Variants in SPMIP11 observed in about 807,000 individuals in gnomAD.
SPMIP11 encodes long intergenic non-protein coding RNA 935.
chr12:48,741,784 T>C, the SPMIP11 span, among the ~76,000 whole-genome samples: 1 of 152,100 alleles, frequency 6.6e-6, no homozygotes, highest in African/African-American at 2.4e-5. Context: ...GGACTACAGA[T>C]GCACACCACC....
chr12:48,758,183 A>G, the SPMIP11 span, among the ~76,000 whole-genome samples: 18 of 152,278 alleles, frequency 1.2e-4, no homozygotes, highest in Non-Finnish European at 7.3e-5. Flanking sequence ...ATAAATAAAT[A>G]AAAAGAGAAA....
the SPMIP11 span, among the ~76,000 whole-genome samples, chr12:48,744,273 G>T: frequency 1.3e-5 from 2 of 150,054 alleles, no homozygotes; most frequent in South Asian, 4.2e-4. Flanking sequence ...AAAAAGTGTG[G>T]TACACGCCTG....
At chr12:48,734,253 G>C in the SPMIP11 span, among the ~76,000 whole-genome samples, 1 of 151,810 alleles carries the variant, frequency 6.6e-6, no homozygotes, top group Admixed American at 6.6e-5. Flanking sequence ...TACAGGTATT[G>C]TGATACTCTA....
chr12:48,746,401 C>G, the SPMIP11 span, among the ~76,000 whole-genome samples: 3 of 129,530 alleles, frequency 2.3e-5, no homozygotes, highest in Admixed American at 9.2e-5. Flanking sequence ...GTGTCTCGCT[C>G]TGTTGCCCAG....
the SPMIP11 span, among the ~76,000 whole-genome samples, chr12:48,760,814 G>A: frequency 4.6e-5 from 7 of 152,100 alleles, no homozygotes; most frequent in Admixed American, 1.3e-4. Context: ...GGCGTGAGCC[G>A]CCACTTAGGG....
the SPMIP11 span, among the ~76,000 whole-genome samples, chr12:48,756,560 A>G: frequency 6.6e-6 from 1 of 152,228 alleles, no homozygotes; most frequent in East Asian, 1.9e-4. Flanking sequence ...GAGCTGGGGA[A>G]GAACTCCAGA....
At chr12:48,733,761 A>ATTTT in the SPMIP11 span, among the ~76,000 whole-genome samples, 1 of 115,670 alleles carries the variant, frequency 8.6e-6, no homozygotes, top group Non-Finnish European at 1.7e-5. Flanking sequence ...GTAAATGCAG[A>ATTTT]TTCTTTTTTT....
chr12:48,729,354 T>C, the SPMIP11 span, among the ~76,000 whole-genome samples: 1 of 151,830 alleles, frequency 6.6e-6, no homozygotes, highest in Non-Finnish European at 1.5e-5. Flanking sequence ...ACCAACATAG[T>C]GAAACCCCGT....
the SPMIP11 span, among the ~76,000 whole-genome samples, chr12:48,744,149 G>A: frequency 1.6e-4 from 24 of 151,358 alleles, no homozygotes; most frequent in Non-Finnish European, 2.9e-4. Flanking sequence ...TCAGGAGGCC[G>A]AGGCAGGAGA....
the SPMIP11 span, among the ~76,000 whole-genome samples, chr12:48,735,743 G>A: frequency 6.6e-6 from 1 of 151,886 alleles, no homozygotes; most frequent in Non-Finnish European, 1.5e-5. Context: ...AATTAGCCAG[G>A]CGTGGTGACA....
the SPMIP11 span, among the ~76,000 whole-genome samples, chr12:48,728,568 C>A: frequency 6.6e-6 from 1 of 151,916 alleles, no homozygotes; most frequent in Non-Finnish European, 1.5e-5. Flanking sequence ...ATTAGCCGAG[C>A]GTGATGGCGG....
At chr12:48,767,596 G>T in the SPMIP11 span, 1 of 152,700 alleles carries the variant, frequency 6.5e-6, no homozygotes, top group Non-Finnish European at 1.5e-5. Flanking sequence ...ACTTGGGAGG[G>T]CAGGTTTGGG....
chr12:48,730,694 T>C, the SPMIP11 span, among the ~76,000 whole-genome samples: 2 of 152,114 alleles, frequency 1.3e-5, no homozygotes, highest in African/African-American at 4.8e-5. Context: ...TCCCAGCACT[T>C]TGGGAGGCCG....
At chr12:48,743,759 T>C in the SPMIP11 span, among the ~76,000 whole-genome samples, 3 of 151,598 alleles carry the variant, frequency 2.0e-5, no homozygotes, top group African/African-American at 7.3e-5. Flanking sequence ...ATGGTAAAAC[T>C]GCACCTCTAC....
At chr12:48,768,547 A>G in the SPMIP11 span, 21 of 1,613,972 alleles carry the variant, frequency 1.3e-5, no homozygotes, top group Admixed American at 3.0e-4. Context: ...AGTCCACTCA[A>G]TGCCCACCTT....
the SPMIP11 span, among the ~76,000 whole-genome samples, chr12:48,754,428 A>G: frequency 8.4e-4 from 128 of 152,046 alleles, 1 homozygote; most frequent in African/African-American, 2.8e-3. Context: ...CTGGGATTAC[A>G]GGCCTGGGCC....
chr12:48,750,823 C>T, the SPMIP11 span, among the ~76,000 whole-genome samples: 1 of 152,174 alleles, frequency 6.6e-6, no homozygotes, highest in Non-Finnish European at 1.5e-5. Context: ...GAATGGTTCC[C>T]TGGTCCCAGT....
chr12:48,728,437 G>A, the SPMIP11 span, among the ~76,000 whole-genome samples: 12 of 152,176 alleles, frequency 7.9e-5, no homozygotes, highest in African/African-American at 7.2e-5. Context: ...GGCCGGGTGC[G>A]GTGGCTCACG....
At chr12:48,754,736 C>T in the SPMIP11 span, among the ~76,000 whole-genome samples, 1 of 151,980 alleles carries the variant, frequency 6.6e-6, no homozygotes, top group Non-Finnish European at 1.5e-5. Context: ...AGGCGTGAGC[C>T]ACCGCGCCTG....
Sources: gnomAD v4.1 joint callset for allele counts (sites outside exome capture counted in the v4.1 genomes callset) on GRCh38, gnomAD v4.1.1 for gene constraint, MANE v1.5 for transcripts, NCBI Gene and HGNC (gene_info 2026-07-23, HGNC 2026-07-21) for gene names.